The following OCA2 variants were observed in gnomAD, a reference collection of about 807,000 sequenced individuals.
OCA2 encodes P protein.
In OCA2, 77 loss-of-function variants were observed where a neutral mutation model predicts 100.2. The ratio of observed to expected loss-of-function variants is 0.77; its 90% CI spans 0.64 to 0.93. The LOEUF is 0.93. Among genes scored for constraint, OCA2 ranks in the 40% least tolerant of loss-of-function variants. OCA2 has a pLI of 0.00. For missense variants in OCA2, 1,062 were observed against 1,089.1 expected (o/e 0.98, Z 0.35); for synonymous variants, 432 against 439.2 (o/e 0.98, Z 0.21).
chr15:27,870,622 T>C (rs2151491416), intron 21 of OCA2, among the ~76,000 whole-genome samples: 1 of 149,936 alleles, frequency 6.7e-6, no homozygotes, highest in South Asian at 2.1e-4. Context: ...CCGCCGCAAA[T>C]GAAGATGCAA....
chr15:27,752,600 G>C (rs1386798222), downstream of OCA2, among the ~76,000 whole-genome samples: 1 of 152,110 alleles, frequency 6.6e-6, no homozygotes, highest in Non-Finnish European at 1.5e-5. Context: ...AGTGCTTCCT[G>C]TCCCCTGGCT....
At chr15:27,827,215 T>G (rs904000259) in intron 23 of OCA2, among the ~76,000 whole-genome samples, 2 of 151,866 alleles carry the variant, frequency 1.3e-5, no homozygotes. Context: ...AACCAAGAAA[T>G]GGAAAGCATC....
intron 18 of OCA2, among the ~76,000 whole-genome samples, chr15:27,936,566 C>T (rs932454757): frequency 6.6e-6 from 1 of 152,164 alleles, no homozygotes; most frequent in African/African-American, 2.4e-5. Context: ...CTCATGCAAT[C>T]GTGCACCAGG....
chr15:28,090,956 C>T (rs1179252385), intron 1 of OCA2, among the ~76,000 whole-genome samples: 1 of 151,432 alleles, frequency 6.6e-6, no homozygotes, highest in African/African-American at 2.4e-5. Flanking sequence ...GCAAGACTGG[C>T]AAAGAAAAAA....
rs141089725 is a variant in OCA2, at chr15:27,776,196, G to A, written c.2433-20724C>T. On this transcript the variant is annotated intron_variant, in intron 23 of 23. Transcript: ENST00000354638. Reference sequence around the variant, plus strand: ...TTTCTCCCTGGCTTGCTGCGGTTCCGGCCCATGGTGCTGTGTGCACATGCA... The same window carrying A: ...TTTCTCCCTGGCTTGCTGCGGTTCCAGCCCATGGTGCTGTGTGCACATGCA... Among the ~76,000 whole-genome samples the A allele has an allele frequency of 6.4e-3, 973 of 152,204 alleles. 9 individuals are homozygous for A. Among genetic ancestry groups the A allele is most frequent in the African/African-American group, 0.022 (929 of 41,534 alleles).
chr15:28,070,274 G>C (rs1436069379), intron 2 of OCA2, among the ~76,000 whole-genome samples: 1 of 134,976 alleles, frequency 7.4e-6, no homozygotes, highest in African/African-American at 3.3e-5. Context: ...AGTGAGGAGC[G>C]TCTCCGCCCG....
At chr15:27,729,289 ATTTTTTTT>A in the OCA2 span, among the ~76,000 whole-genome samples, 187 of 111,210 alleles carry the variant, frequency 1.7e-3, 1 homozygote, top group East Asian at 7.3e-3. Context: ...ATTATCATCT[ATTTTTTTT>A]TTTTTTTTTT....
chr15:27,971,856 G>A (rs1473602171), intron 14 of OCA2, among the ~76,000 whole-genome samples: 1 of 152,086 alleles, frequency 6.6e-6, no homozygotes, highest in South Asian at 2.1e-4. Flanking sequence ...AGGGGTGCAA[G>A]TGGTTTTCGG....
chr15:27,962,419 A>C (rs1218934201), intron 15 of OCA2, among the ~76,000 whole-genome samples: 1 of 152,184 alleles, frequency 6.6e-6, no homozygotes, highest in Non-Finnish European at 1.5e-5. Flanking sequence ...GTGGCCACAT[A>C]CATGTTTCAA....
chr15:27,725,349 G>A, the OCA2 span, among the ~76,000 whole-genome samples: 7 of 152,288 alleles, frequency 4.6e-5, no homozygotes, highest in African/African-American at 1.4e-4. Context: ...GGCCAAGGTG[G>A]GTGGATCACC....
intron 21 of OCA2, among the ~76,000 whole-genome samples, chr15:27,858,520 A>T (rs1318698640): frequency 6.6e-6 from 1 of 152,180 alleles, no homozygotes; most frequent in Non-Finnish European, 1.5e-5. Context: ...AATATTTTAC[A>T]TGTAAATAGT....
At chr15:27,757,592 C>A (rs1311125809) in intron 23 of OCA2, among the ~76,000 whole-genome samples, 1 of 152,236 alleles carries the variant, frequency 6.6e-6, no homozygotes, top group African/African-American at 2.4e-5. Context: ...CTCTAGTTTT[C>A]AATTCCTGCT....
intron 9 of OCA2, among the ~76,000 whole-genome samples, chr15:28,005,989 TCCAAAGGCAG>T (rs2042080499): frequency 6.6e-6 from 1 of 152,156 alleles, no homozygotes; most frequent in Non-Finnish European, 1.5e-5. Flanking sequence ...AAATGTGGAC[TCCAAAGGCAG>T]CCACTGGCCA....
chr15:27,740,465 G>A, the OCA2 span, among the ~76,000 whole-genome samples: 1 of 152,090 alleles, frequency 6.6e-6, no homozygotes, highest in Non-Finnish European at 1.5e-5. Flanking sequence ...GTCCACTCGT[G>A]CATCTGGTCA....
At chr15:28,031,094 G>C (rs1207216131) in intron 3 of OCA2, among the ~76,000 whole-genome samples, 2 of 152,082 alleles carry the variant, frequency 1.3e-5, no homozygotes, top group East Asian at 3.9e-4. Flanking sequence ...ATTGGGGGAG[G>C]GGGGAAGCTG....
intron 21 of OCA2, among the ~76,000 whole-genome samples, chr15:27,864,297 G>A (rs1567035550): frequency 6.6e-6 from 1 of 152,186 alleles, no homozygotes. Flanking sequence ...TGCAGAACCT[G>A]AGCTGCTAAT....
At chr15:28,001,164 A>G (rs1382852083) in intron 9 of OCA2, among the ~76,000 whole-genome samples, 2 of 152,210 alleles carry the variant, frequency 1.3e-5, no homozygotes, top group Non-Finnish European at 2.9e-5. Context: ...GGCCATGTTC[A>G]TTGCAACCTT....
intron 23 of OCA2, among the ~76,000 whole-genome samples, chr15:27,770,871 C>CCTCCCCTTT: frequency 8.6e-6 from 1 of 116,742 alleles, no homozygotes; most frequent in African/African-American, 3.6e-5. Flanking sequence ...CCTTCCTTCC[C>CCTCCCCTTT]TCCTTCCTTT....
intron 18 of OCA2, among the ~76,000 whole-genome samples, chr15:27,929,160 A>G (rs977217645): frequency 7.9e-5 from 12 of 152,352 alleles, no homozygotes; most frequent in African/African-American, 2.9e-4. Flanking sequence ...TAAAATTCAC[A>G]TAAGAATGCA....
Sources: allele counts gnomAD v4.1 joint callset (sites outside exome capture counted in the v4.1 genomes callset), GRCh38; gene constraint gnomAD v4.1.1; transcripts MANE v1.5; gene names NCBI Gene and HGNC (gene_info 2026-07-23, HGNC 2026-07-21).